Variants in EPHA3 observed in about 807,000 individuals in gnomAD.
EPHA3 encodes EPH receptor A3, also known as ephrin type-A receptor 3.
In EPHA3, 42 loss-of-function variants were observed where a neutral mutation model predicts 107.1. The ratio of observed to expected loss-of-function variants is 0.39; its 90% CI spans 0.31 to 0.51. The LOEUF (loss-of-function observed/expected upper bound fraction) is 0.51. EPHA3 is among the 20% of genes least tolerant of loss of function. The pLI is 0.78. For synonymous variants in EPHA3, 461 were observed against 424.8 expected, an observed-to-expected ratio of 1.09 and a Z score of -1.05; for missense variants, 1,183 against 1,211.2, an observed-to-expected ratio of 0.98 and a Z score of 0.35.
At chr3:89,281,552 G>C (rs1463139695) in intron 3 of EPHA3, among the ~76,000 whole-genome samples, 3 of 152,062 alleles carry the variant, frequency 2.0e-5, no homozygotes, top group Non-Finnish European at 4.4e-5. Flanking sequence ...GCCAGATACT[G>C]TCTGTAGTCC....
In EPHA3 at chr3:89,219,688, G is replaced by GTGTTTTTTTTTGTTTTTTTTTTTTTTTTT; in HGVS notation, c.814+9169_814+9170insGTTTTTTTTTGTTTTTTTTTTTTTTTTTT. 8.7e-4 allele frequency among the ~76,000 whole-genome samples: 30 copies of GTGTTTTTTTTTGTTTTTTTTTTTTTTTTT among 34,442 alleles called. 7 individuals are homozygous for GTGTTTTTTTTTGTTTTTTTTTTTTTTTTT. The highest frequency in any genetic ancestry group is 1.2e-3 in the South Asian group (1 of 854). 22.6% of individuals were successfully genotyped at this position (34,442 alleles called of 152,430 possible). ...TTACCTCCAAGAGGCATTTGGCAAT[G>GTGTTTTTTTTTGTTTTTTTTTTTTTTTTT]TTTTTTTTTTTTTTGTTTTTTGTTT... On this transcript the variant is annotated intron_variant, in intron 3 of 16. Transcript: ENST00000336596.
chr3:89,303,445 C>CAAAA (rs67736700), intron 3 of EPHA3, among the ~76,000 whole-genome samples: 2 of 114,608 alleles, frequency 1.7e-5, no homozygotes, highest in Admixed American at 9.3e-5. Flanking sequence ...TATAAAAAGG[C>CAAAA]AAAAAAAAAA....
At chr3:89,146,319 C>G (rs1704557045) in intron 2 of EPHA3, among the ~76,000 whole-genome samples, 1 of 151,764 alleles carries the variant, frequency 6.6e-6, no homozygotes, top group Non-Finnish European at 1.5e-5. Context: ...AATAATCCCC[C>G]AAAGTGCATG....
chr3:89,431,132 A>T lies in EPHA3; in HGVS notation c.2137-18A>T. On this transcript the variant is annotated intron_variant, in intron 12 of 16. Transcript: ENST00000336596. ...AAATAGGAACGTATCTTAATTGTAC[A>T]TTTGAAATGCTTCCCAGAAACACGA... 1 of 1,611,222 alleles carries T rather than the reference A, an allele frequency of 6.2e-7. No homozygotes were observed. The highest frequency in any genetic ancestry group is 8.5e-7 in the Non-Finnish European group (1 of 1,178,646).
intron 3 of EPHA3, among the ~76,000 whole-genome samples, chr3:89,272,389 G>A (rs578195946): frequency 4.0e-5 from 6 of 151,838 alleles, no homozygotes; most frequent in African/African-American, 1.4e-4. Context: ...ATGTCACACA[G>A]CTGTGGTTGT....
chr3:89,335,305 C>A (rs1032171792), intron 3 of EPHA3, among the ~76,000 whole-genome samples: 13 of 152,228 alleles, frequency 8.5e-5, no homozygotes, highest in Non-Finnish European at 1.3e-4. Flanking sequence ...ATAGAAGGGA[C>A]AAGGCAGTTC....
chr3:89,150,184 T>C (rs1446914454), intron 2 of EPHA3, among the ~76,000 whole-genome samples: 1 of 151,960 alleles, frequency 6.6e-6, no homozygotes, highest in Non-Finnish European at 1.5e-5. Context: ...ATAAGTCAAA[T>C]TATGTTAAAT....
chr3:89,246,949 A>G (rs1366678604), intron 3 of EPHA3, among the ~76,000 whole-genome samples: 1 of 152,160 alleles, frequency 6.6e-6, no homozygotes, highest in Non-Finnish European at 1.5e-5. Context: ...TTTATACAGA[A>G]CAAGAGCAAA....
At chr3:89,177,896 T>C (rs1262657865) in intron 2 of EPHA3, among the ~76,000 whole-genome samples, 24 of 152,264 alleles carry the variant, frequency 1.6e-4, no homozygotes, top group Non-Finnish European at 1.9e-4. Context: ...TTCAATTAAA[T>C]ATTGATTGAT....
intron 2 of EPHA3, among the ~76,000 whole-genome samples, chr3:89,182,300 C>T (rs1247301305): frequency 3.3e-5 from 5 of 151,810 alleles, no homozygotes; most frequent in East Asian, 1.9e-4. Context: ...AAGATCAGTC[C>T]GGGAATGTAT....
intron 2 of EPHA3, among the ~76,000 whole-genome samples, chr3:89,208,476 AAG>A (rs1491099376): frequency 3.4e-5 from 5 of 146,056 alleles, no homozygotes; most frequent in African/African-American, 1.0e-4. Flanking sequence ...GAAAGAAAGA[AAG>A]AAAGAGAAAA....
At position 89,382,416 on chromosome 3, in the gene EPHA3, G is replaced by A. The variant is rs1428665731; in HGVS notation, c.1307-13421G>A. On this transcript the variant is annotated intron_variant, in intron 5 of 16. Transcript: ENST00000336596. ...CCAGCTACTTGGGAGGCTGAGGCAG[G>A]AGAATCACTTGAACCAAGGAAGTGG... 2.6e-5 allele frequency among the ~76,000 whole-genome samples: 4 copies of A among 151,062 alleles called. No individual in the cohort carries two copies. In the East Asian group the frequency reaches 7.8e-4, roughly 29 times the overall value.
intron 13 of EPHA3, among the ~76,000 whole-genome samples, chr3:89,437,069 A>G (rs1166821424): frequency 6.6e-6 from 1 of 152,154 alleles, no homozygotes; most frequent in Non-Finnish European, 1.5e-5. Context: ...TAAGGCTATG[A>G]AGTTTCAGTA....
chr3:89,383,533 C>A (rs7615949), intron 5 of EPHA3, among the ~76,000 whole-genome samples: 1 of 151,712 alleles, frequency 6.6e-6, no homozygotes, highest in East Asian at 1.9e-4. Flanking sequence ...CTGTTCTAGC[C>A]CTGAATGACC....
chr3:89,311,327 T>A (rs1706761530), intron 3 of EPHA3, among the ~76,000 whole-genome samples: 1 of 152,054 alleles, frequency 6.6e-6, no homozygotes, highest in Non-Finnish European at 1.5e-5. Flanking sequence ...TTTGAAGAAA[T>A]GGACTTTTTG....
chr3:89,457,355 G>C (rs1297888338), intron 15 of EPHA3, among the ~76,000 whole-genome samples: 1 of 152,226 alleles, frequency 6.6e-6, no homozygotes, highest in Non-Finnish European at 1.5e-5. Context: ...CAAAGCAGAA[G>C]GCAAACGGCG....
At chr3:89,127,373 T>A in intron 2 of EPHA3, 100 bp downstream of exon 2, 1 of 887,886 alleles carries the variant, frequency 1.1e-6, no homozygotes, top group Non-Finnish European at 1.8e-6. Flanking sequence ...CTTGTACTTC[T>A]GGTGACAAAT....
chr3:89,365,842 T>C (rs1303811599), intron 5 of EPHA3, among the ~76,000 whole-genome samples: 3 of 150,782 alleles, frequency 2.0e-5, no homozygotes, highest in Non-Finnish European at 3.0e-5. Context: ...TGCCATGCAA[T>C]TTCTTCACCT....
intron 2 of EPHA3, among the ~76,000 whole-genome samples, chr3:89,168,861 A>G (rs995583513): frequency 2.0e-5 from 3 of 152,158 alleles, no homozygotes; most frequent in South Asian, 2.1e-4. Context: ...AAAATTTAGA[A>G]ATTCTGGTAC....
Sources: gnomAD v4.1 joint callset for allele counts (sites outside exome capture counted in the v4.1 genomes callset) on GRCh38, gnomAD v4.1.1 for gene constraint, MANE v1.5 for transcripts, NCBI Gene and HGNC (gene_info 2026-07-23, HGNC 2026-07-21) for gene names.